Variants in GID4 observed in about 807,000 individuals in gnomAD.
GID4 encodes the protein glucose-induced degradation protein 4 homolog.
GID4 carries 7 observed loss-of-function variants against 32.4 expected under a neutral mutation model. The ratio of observed to expected loss-of-function variants is 0.22; its 90% CI spans 0.12 to 0.41. The LOEUF (loss-of-function observed/expected upper bound fraction) is 0.41, where lower values mean the gene tolerates loss of function less well. GID4 is among the 10% of genes least tolerant of loss of function. The probability of loss-of-function intolerance (pLI) is 1.00; values close to 1 mark genes in which losing one functional copy is unlikely to be tolerated. For missense variants in GID4, 309 were observed against 400.0 expected, an observed-to-expected ratio of 0.77 and a Z score of 1.94; for synonymous variants, 166 against 170.0, an observed-to-expected ratio of 0.98 and a Z score of 0.18.
intron 3 of GID4, among the ~76,000 whole-genome samples, chr17:18,055,755 G>T (rs571301585): frequency 4.7e-4 from 71 of 152,142 alleles, no homozygotes; most frequent in African/African-American, 1.7e-3. Flanking sequence ...CTCCCAAAGT[G>T]CTGGGATTAT....
At chr17:18,047,932 G>T (rs1169986201) in intron 2 of GID4, among the ~76,000 whole-genome samples, 1 of 149,626 alleles carries the variant, frequency 6.7e-6, no homozygotes, top group African/African-American at 2.5e-5. Context: ...ATGGAGTCTC[G>T]CTCAGTCACC....
chr17:18,042,025 C>T (rs1372141902), intron 1 of GID4, among the ~76,000 whole-genome samples: 1 of 152,228 alleles, frequency 6.6e-6, no homozygotes, highest in African/African-American at 2.4e-5. Context: ...CACGACTAGT[C>T]AGTGGCATGT....
chr17:18,049,857 T>C (rs1384901336), intron 2 of GID4, among the ~76,000 whole-genome samples: 1 of 152,196 alleles, frequency 6.6e-6, no homozygotes, highest in Non-Finnish European at 1.5e-5. Context: ...CTTGAACTCT[T>C]GACCTCAGGT....
intron 4 of GID4, among the ~76,000 whole-genome samples, chr17:18,060,138 G>C (rs541735934): frequency 6.8e-6 from 1 of 146,624 alleles, no homozygotes; most frequent in South Asian, 2.2e-4. Context: ...GGTGGCTCAT[G>C]CCTGTAATCC....
intron 5 of GID4, among the ~76,000 whole-genome samples, chr17:18,062,476 T>C (rs2045025276): frequency 6.6e-6 from 1 of 152,166 alleles, no homozygotes; most frequent in Admixed American, 6.5e-5. Flanking sequence ...AGGACTGAAC[T>C]CTGCCTGAAT....
At chr17:18,052,372 A>AC (rs1459711929) in intron 2 of GID4, among the ~76,000 whole-genome samples, 1 of 152,136 alleles carries the variant, frequency 6.6e-6, no homozygotes, top group East Asian at 1.9e-4. Flanking sequence ...AGTGGCTTTT[A>AC]CTGTGGCAGC....
intron 3 of GID4, among the ~76,000 whole-genome samples, chr17:18,054,943 G>A (rs919147084): frequency 5.3e-5 from 8 of 152,064 alleles, no homozygotes; most frequent in Non-Finnish European, 8.8e-5. Context: ...AGGCCGAGGC[G>A]GGCGGATCAC....
Position 18,039,685 on chromosome 17 carries a change from C to G in GID4, c.221C>G (p.Pro74Arg). The G allele has an allele frequency of 6.8e-7, 1 of 1,461,402 alleles. No individual in the cohort carries two copies. The allele number at this position is 1,461,402 out of a possible 1,614,324, so 90.5% of individuals were successfully genotyped here. A position where few individuals can be genotyped will look rare whatever the true frequency, so the allele number is the denominator to read the frequency against. The change falls in exon 1 of 6, where the codon CCC (proline) becomes CGC (arginine). Residue 74 changes from proline to arginine, a missense_variant. By Grantham distance (103) the Pro-to-Arg change is moderately radical. Around this residue, in one of 2 missense-constraint regions of GID4, gnomAD observed 193 missense variants for 185.8 expected, o/e 1.04. Coordinates refer to ENST00000268719, the MANE Select transcript of GID4 (RefSeq NM_024052.5). This position sits in a 1 kb window ranked among gnomAD's most constrained non-coding sequence, Gnocchi z 5.3. ...GCGGCGGCGGTTCCTCTCCCACTCC[C>G]CCCAGCCCTGGCTCCGGGGGACCCC... ...RAAAAVPLPL[P>R]PALAPGDPAM...
intron 3 of GID4, among the ~76,000 whole-genome samples, chr17:18,057,704 T>C (rs1395304588): frequency 6.6e-6 from 1 of 152,208 alleles, no homozygotes; most frequent in Non-Finnish European, 1.5e-5. Context: ...AATACAGTTT[T>C]GTAACCTATT....
rs1033457022 is a variant in GID4, at chr17:18,067,786, C to T, written c.*2543C>T. The T allele has an allele frequency of 1.3e-5, 2 of 152,644 alleles. No individual in the cohort carries two copies. The highest frequency in any genetic ancestry group is 4.8e-5 in the African/African-American group (2 of 41,452). The allele number at this position is 152,644 out of a possible 1,614,324, so 9.5% of individuals were successfully genotyped here. A position where few individuals can be genotyped will look rare whatever the true frequency, so the allele number is the denominator to read the frequency against. ...TGCAGATTGCAGATGTTCTGTCTTC[C>T]ATCCCAAACAAGCCTGCCATGAGGT... On this transcript the variant is annotated 3_prime_UTR_variant, in exon 6 of 6. Transcript: ENST00000268719.
At position 18,065,426 on chromosome 17, in the gene GID4, T is replaced by C; in HGVS notation, c.*183T>C. 2 of 616,444 alleles carry C rather than the reference T, an allele frequency of 3.2e-6. No homozygotes were observed. Among genetic ancestry groups the C allele is most frequent in the East Asian group, 5.6e-5 (2 of 35,552 alleles). 38.2% of individuals were successfully genotyped at this position (616,444 alleles called of 1,614,324 possible). A position where few individuals can be genotyped will look rare whatever the true frequency, so the allele number is the denominator to read the frequency against. On this transcript the variant is annotated 3_prime_UTR_variant, in exon 6 of 6. Transcript: ENST00000268719. ...GAGCATGGCTGGCCCGTGGGGCAGG[T>C]GGAGGGAGCAGTCTTCGTTCTTCCT...
chr17:18,050,530 G>T (rs1263868424), intron 2 of GID4, among the ~76,000 whole-genome samples: 3 of 152,242 alleles, frequency 2.0e-5, no homozygotes, highest in Non-Finnish European at 4.4e-5. Flanking sequence ...GTTTGGAAGG[G>T]TTGGAAGCTC....
At position 18,061,782 on chromosome 17, in the gene GID4, A is replaced by T. The variant is rs866947415; in HGVS notation, c.709-63A>T. ...TCCTTAGAACCCCCTGATGCTTAACAGGGAGGCCCCGTGGGTGGTCAGAGA... is the reference window on the plus strand; with the variant it reads ...TCCTTAGAACCCCCTGATGCTTAACTGGGAGGCCCCGTGGGTGGTCAGAGA... On this transcript the variant is annotated intron_variant, in intron 4 of 5. Transcript: ENST00000268719. The surrounding 1 kb of genome is among the most constrained non-coding windows in gnomAD (Gnocchi z 4.4). 1.3e-6 allele frequency: 2 copies of T among 1,546,822 alleles called. No individual in the cohort carries two copies. The highest frequency in any genetic ancestry group is 2.2e-5 in the East Asian group (1 of 44,534).
At chr17:18,040,655 G>A (rs1179612509) in intron 1 of GID4, among the ~76,000 whole-genome samples, 4 of 152,292 alleles carry the variant, frequency 2.6e-5, no homozygotes, top group South Asian at 4.1e-4. Flanking sequence ...CCCCTGCTCT[G>A]GGACCATTTG....
chr17:18,058,862 T>C lies in GID4; in HGVS notation c.607-6T>C, dbSNP rs778801189. 1.9e-6 allele frequency: 3 copies of C among 1,586,166 alleles called. No individual in the cohort carries two copies. The Admixed American group carries it at 5.0e-5, about 26-fold the overall frequency. On this transcript the variant is annotated splice_polypyrimidine_tract_variant and splice_region_variant and intron_variant, in intron 3 of 5. Transcript: ENST00000268719. ...TCAATCGGCACACTCTCTTTTCTGC[T>C]TTCAGGGCAAGTTTCTGGCTTTTTA...
chr17:18,060,575 C>T (rs1157728542), intron 4 of GID4, among the ~76,000 whole-genome samples: 3 of 151,960 alleles, frequency 2.0e-5, no homozygotes, highest in Non-Finnish European at 2.9e-5. Context: ...TGTTTTGAGA[C>T]GGAATCTCAC....
chr17:18,054,632 T>C (rs1418573750), intron 3 of GID4, among the ~76,000 whole-genome samples: 1 of 152,164 alleles, frequency 6.6e-6, no homozygotes, highest in Non-Finnish European at 1.5e-5. Flanking sequence ...TGGCATGAGA[T>C]GGAGATGATG....
chr17:18,044,101 G>A (rs2044828671), intron 1 of GID4, among the ~76,000 whole-genome samples: 1 of 152,084 alleles, frequency 6.6e-6, no homozygotes, highest in Non-Finnish European at 1.5e-5. Context: ...GTCTCCCCCA[G>A]GACTGGACAC....
intron 3 of GID4, among the ~76,000 whole-genome samples, chr17:18,055,686 C>T (rs1314911325): frequency 6.6e-6 from 1 of 152,074 alleles, no homozygotes; most frequent in Non-Finnish European, 1.5e-5. Context: ...GACAGAGTCT[C>T]CCTATGTTAC....
Sources: allele counts gnomAD v4.1 joint callset (sites outside exome capture counted in the v4.1 genomes callset), GRCh38; gene constraint gnomAD v4.1.1; regional missense constraint gnomAD v4.1.1; non-coding constraint Gnocchi (gnomAD v3.1); transcripts MANE v1.5; gene names NCBI Gene and HGNC (gene_info 2026-07-23, HGNC 2026-07-21).